GSE1: variants seen among roughly 807,000 people sequenced by gnomAD.
GSE1 encodes the protein Gse1 coiled-coil protein.
In GSE1, 32 loss-of-function variants were observed where a neutral mutation model predicts 112.6. The observed-to-expected ratio is 0.28, with a 90% CI of 0.21 to 0.38. The LOEUF (loss-of-function observed/expected upper bound fraction) is 0.38, where lower values mean the gene tolerates loss of function less well. GSE1 is among the 10% of genes least tolerant of loss of function. The pLI, the probability that GSE1 is intolerant of heterozygous loss-of-function variation, is 1.00. For synonymous variants in GSE1, 1,115 were observed against 735.6 expected (o/e 1.52, Z -8.35); for missense variants, 2,348 against 1,699.2 (o/e 1.38, Z -6.71).
chr16:85,516,971 G>A (rs1411933186), intron 2 of GSE1, among the ~76,000 whole-genome samples: 3 of 152,038 alleles, frequency 2.0e-5, no homozygotes, highest in Admixed American at 2.0e-4. Context: ...CTAATTTTTT[G>A]TATTTTTAGT....
chr16:85,449,220 A>C (rs918434742), intron 2 of GSE1, among the ~76,000 whole-genome samples: 7 of 152,132 alleles, frequency 4.6e-5, no homozygotes, highest in Non-Finnish European at 1.0e-4. Flanking sequence ...ACCTAGTGGC[A>C]GTGTATTGGC....
chr16:85,534,106 C>G (rs1439814059), intron 2 of GSE1, among the ~76,000 whole-genome samples: 3 of 146,204 alleles, frequency 2.1e-5, no homozygotes, highest in East Asian at 2.0e-4. Context: ...TCCCTTTAGG[C>G]TAGTTTTTAA....
chr16:85,251,883 G>A (rs1906524412), intron 1 of GSE1, among the ~76,000 whole-genome samples: 4 of 152,212 alleles, frequency 2.6e-5, no homozygotes, highest in African/African-American at 9.6e-5. Flanking sequence ...CAGGCAAGTA[G>A]GTCCCTGCTG....
At chr16:85,197,748 A>G (rs2143518211) in intron 1 of GSE1, among the ~76,000 whole-genome samples, 1 of 152,176 alleles carries the variant, frequency 6.6e-6, no homozygotes. Flanking sequence ...TGCCTGCCCC[A>G]TCTCCTCGTT....
chr16:85,491,035 G>C (rs1161418804), intron 2 of GSE1, among the ~76,000 whole-genome samples: 1 of 152,150 alleles, frequency 6.6e-6, no homozygotes, highest in African/African-American at 2.4e-5. Flanking sequence ...TGGCCGCCAG[G>C]GTACCCCAAA....
At chr16:85,647,768 G>T (rs2051000495) in intron 2 of GSE1, among the ~76,000 whole-genome samples, 1 of 152,162 alleles carries the variant, frequency 6.6e-6, no homozygotes, top group Non-Finnish European at 1.5e-5. Context: ...TGTATTTTTA[G>T]TAGAGACAGG....
chr16:85,424,107 G>A (rs1291584904), intron 2 of GSE1, among the ~76,000 whole-genome samples: 1 of 152,268 alleles, frequency 6.6e-6, no homozygotes, highest in Non-Finnish European at 1.5e-5. Flanking sequence ...GAAGAAGAGT[G>A]TTCTGGGGTC....
rs777925185 is a variant in GSE1, at chr16:85,663,397, A to G, written c.2427A>G (p.Glu809=). The G allele has an allele frequency of 5.0e-6, 8 of 1,613,978 alleles. No homozygotes were observed. Among genetic ancestry groups the G allele is most frequent in the South Asian group, 2.2e-5 (2 of 91,078 alleles). ...FGLTTQQQKE[E]LVAQKRRKRR... Reference sequence around the variant, plus strand: ...TGACCACCCAACAGCAGAAGGAGGAATTGGTGGCCCAGAAGCGGAGGAAGC... The same window carrying G: ...TGACCACCCAACAGCAGAAGGAGGAGTTGGTGGCCCAGAAGCGGAGGAAGC... Residue 809 remains glutamate (E), a synonymous_variant, in exon 11 of 16, where the codon GAA becomes GAG. Coordinates refer to ENST00000253458, the MANE Select transcript of GSE1 (RefSeq NM_014615.5).
intron 15 of GSE1, chr16:85,672,034 T>TGTCA (rs1390052495): frequency 4.5e-6 from 1 of 220,804 alleles, no homozygotes; most frequent in East Asian, 1.3e-4. Context: ...AGTCTCACTC[T>TGTCA]GTCACCCAAG....
At chr16:85,396,408 A>C (rs8058699) in intron 2 of GSE1, among the ~76,000 whole-genome samples, 5,476 of 152,306 alleles carry the variant, frequency 0.036, 334 homozygotes, top group African/African-American at 0.13. Context: ...ATTGTAATGC[A>C]AAAACACCTC....
chr16:85,189,273 C>A (rs946461747), intron 1 of GSE1, among the ~76,000 whole-genome samples: 1 of 152,190 alleles, frequency 6.6e-6, no homozygotes, highest in African/African-American at 2.4e-5. Context: ...GCACTTTATT[C>A]TATTTGACTT....
intron 2 of GSE1, among the ~76,000 whole-genome samples, chr16:85,515,321 C>T (rs1033304079): frequency 1.8e-4 from 27 of 152,374 alleles, no homozygotes; most frequent in South Asian, 6.2e-4. Context: ...TCTCAGCCCA[C>T]GCTCTCCTGA....
chr16:85,535,882 A>T (rs113657067), intron 2 of GSE1, among the ~76,000 whole-genome samples: 3,759 of 152,162 alleles, frequency 0.025, 147 homozygotes, highest in African/African-American at 0.085. Flanking sequence ...CCCTACCTCT[A>T]CCTCATGTGG....
intron 1 of GSE1, among the ~76,000 whole-genome samples, chr16:85,187,095 G>A (rs1426091598): frequency 1.3e-5 from 2 of 152,216 alleles, no homozygotes; most frequent in Non-Finnish European, 2.9e-5. Context: ...TCCTTGAGGT[G>A]CCTCTTGTTT....
At chr16:85,174,925 T>C (rs1311318342) in intron 1 of GSE1, among the ~76,000 whole-genome samples, 1 of 152,066 alleles carries the variant, frequency 6.6e-6, no homozygotes, top group Non-Finnish European at 1.5e-5. Context: ...ATCTGTCTTT[T>C]GGGGGGTGGT....
At chr16:85,503,081 G>A (rs538046099) in intron 2 of GSE1, among the ~76,000 whole-genome samples, 3 of 152,298 alleles carry the variant, frequency 2.0e-5, no homozygotes, top group Admixed American at 2.0e-4. Flanking sequence ...TGACATTGAG[G>A]GGTGCCCCGG....
At chr16:85,347,203 G>A (rs1235460947) in intron 1 of GSE1, among the ~76,000 whole-genome samples, 2 of 152,118 alleles carry the variant, frequency 1.3e-5, no homozygotes, top group East Asian at 3.9e-4. Context: ...CTGGGGGTTG[G>A]GGAATACCTC....
At chr16:85,670,081 T>C (rs148040544) in intron 14 of GSE1, among the ~76,000 whole-genome samples, 2 of 152,376 alleles carry the variant, frequency 1.3e-5, no homozygotes, top group East Asian at 3.9e-4. Context: ...ATGAATATGG[T>C]ACAAAACTAT....
chr16:85,202,082 C>CGGAA (rs1482303743), intron 1 of GSE1, among the ~76,000 whole-genome samples: 1 of 152,188 alleles, frequency 6.6e-6, no homozygotes, highest in African/African-American at 2.4e-5. Flanking sequence ...GCTGAGCTGG[C>CGGAA]GGAAGGTGGT....
Sources: allele counts gnomAD v4.1 joint callset (sites outside exome capture counted in the v4.1 genomes callset), GRCh38; gene constraint gnomAD v4.1.1; transcripts MANE v1.5; gene names NCBI Gene and HGNC (gene_info 2026-07-23, HGNC 2026-07-21).